The following AOAH variants were observed in gnomAD, a reference collection of about 807,000 sequenced individuals.
AOAH encodes acyloxyacyl hydrolase (neutrophil).
AOAH carries 64 observed loss-of-function variants against 92.2 expected under a neutral mutation model. The observed-to-expected ratio is 0.69, with a 90% confidence interval of 0.57 to 0.86. The LOEUF is 0.86. Among genes scored for constraint, AOAH ranks in the 40% least tolerant of loss-of-function variants. The pLI is 0.00. For missense variants in AOAH, 656 were observed against 694.6 expected (o/e 0.94, Z 0.62); for synonymous variants, 263 against 254.5 (o/e 1.03, Z -0.32).
intron 1 of AOAH, among the ~76,000 whole-genome samples, chr7:36,701,538 T>C (rs900089756): frequency 2.6e-5 from 4 of 151,294 alleles, no homozygotes; most frequent in Non-Finnish European, 5.9e-5. Flanking sequence ...CCCTTTTTCA[T>C]TATGAAATAT....
At chr7:36,519,025 C>G (rs1004486457) in intron 20 of AOAH, among the ~76,000 whole-genome samples, 5 of 152,168 alleles carry the variant, frequency 3.3e-5, no homozygotes, top group South Asian at 2.1e-4. Flanking sequence ...TTTTAAAATA[C>G]AACTTTTCCT....
At position 36,576,666 on chromosome 7, in the gene AOAH, AT is replaced by A; in HGVS notation, c.939-11del. 7.3e-7 allele frequency: 1 copy of A among 1,360,668 alleles called. No homozygotes were observed. Among genetic ancestry groups the A allele is most frequent in the Non-Finnish European group, 1.0e-6 (1 of 970,286 alleles). The allele number at this position is 1,360,668 out of a possible 1,614,324, so 84.3% of individuals were successfully genotyped here. A position where few individuals can be genotyped will look rare whatever the true frequency, so the allele number is the denominator to read the frequency against. On this transcript the variant is annotated splice_polypyrimidine_tract_variant and intron_variant, in intron 12 of 20. Transcript: ENST00000617537. ...AGATTTTTCTTTAATTCTGAAACAAATATATATGTATATATTTAAGGTCAGG... is the reference window on the plus strand; with the variant it reads ...AGATTTTTCTTTAATTCTGAAACAAAATATATGTATATATTTAAGGTCAGG...
chr7:36,632,840 G>A (rs1371776765), intron 5 of AOAH, among the ~76,000 whole-genome samples: 1 of 152,196 alleles, frequency 6.6e-6, no homozygotes, highest in African/African-American at 2.4e-5. Context: ...GGCGATATTT[G>A]ACCCTGGCAA....
intron 20 of AOAH, among the ~76,000 whole-genome samples, chr7:36,515,030 C>T (rs1474335785): frequency 1.3e-4 from 20 of 151,782 alleles, no homozygotes; most frequent in Admixed American, 1.3e-3. Flanking sequence ...TCGGTCATGT[C>T]CATGCAGTGT....
At chr7:36,671,080 G>A (rs1219486458) in intron 3 of AOAH, among the ~76,000 whole-genome samples, 1 of 152,042 alleles carries the variant, frequency 6.6e-6, no homozygotes, top group African/African-American at 2.4e-5. Flanking sequence ...TGCTGATCTG[G>A]TTCCCTGATC....
chr7:36,652,713 A>G (rs1197961848), intron 4 of AOAH, among the ~76,000 whole-genome samples: 8 of 152,232 alleles, frequency 5.3e-5, no homozygotes, highest in Admixed American at 1.3e-4. Flanking sequence ...ACACTGTCGA[A>G]CCAAGATGAA....
intron 4 of AOAH, among the ~76,000 whole-genome samples, chr7:36,643,145 A>G (rs1239242142): frequency 6.6e-6 from 1 of 152,092 alleles, no homozygotes; most frequent in Non-Finnish European, 1.5e-5. Flanking sequence ...GCTTTTTTTG[A>G]GGATCCTGAA....
chr7:36,541,674 G>C (rs916440395), intron 15 of AOAH, among the ~76,000 whole-genome samples: 1 of 152,162 alleles, frequency 6.6e-6, no homozygotes, highest in Non-Finnish European at 1.5e-5. Context: ...GCAATGAACT[G>C]GCACATGTAC....
chr7:36,610,410 G>A (rs1390022920), intron 11 of AOAH, among the ~76,000 whole-genome samples: 1 of 151,390 alleles, frequency 6.6e-6, no homozygotes, highest in Non-Finnish European at 1.5e-5. Context: ...GGGGAGTGCT[G>A]GAAAGAGTGC....
chr7:36,600,999 T>C (rs1490516929), intron 11 of AOAH, among the ~76,000 whole-genome samples: 1 of 151,560 alleles, frequency 6.6e-6, no homozygotes, highest in Non-Finnish European at 1.5e-5. Flanking sequence ...CACACCCTAC[T>C]CTTCTGCACC....
intron 3 of AOAH, among the ~76,000 whole-genome samples, chr7:36,672,562 T>G (rs1795998431): frequency 6.6e-6 from 1 of 151,808 alleles, no homozygotes; most frequent in Non-Finnish European, 1.5e-5. Flanking sequence ...TAAGTGGGAG[T>G]TGAACAATGC....
intron 18 of AOAH, among the ~76,000 whole-genome samples, chr7:36,531,647 C>T (rs1019207819): frequency 4.6e-5 from 7 of 152,132 alleles, no homozygotes; most frequent in Non-Finnish European, 1.5e-5. Flanking sequence ...CGCGCCCAGC[C>T]TCAATAAGTC....
chr7:36,640,361 A>G (rs1793818646), intron 4 of AOAH, among the ~76,000 whole-genome samples: 1 of 152,222 alleles, frequency 6.6e-6, no homozygotes, highest in African/African-American at 2.4e-5. Flanking sequence ...TTTCTGCAAG[A>G]TGCAGTTTGG....
chr7:36,602,973 A>G (rs553839474), intron 11 of AOAH, among the ~76,000 whole-genome samples: 2 of 152,234 alleles, frequency 1.3e-5, no homozygotes, highest in African/African-American at 4.8e-5. Flanking sequence ...CCCTCTGGGC[A>G]TACACATCTG....
In AOAH at chr7:36,610,398, A is replaced by G. The variant is rs542142126; in HGVS notation, c.846+5982T>C. Among the ~76,000 whole-genome samples the G allele has an allele frequency of 2.3e-3, 350 of 152,012 alleles. 2 individuals carry two copies. The highest frequency in any genetic ancestry group is 8.1e-3 in the African/African-American group (337 of 41,506). ...TATATAATATACATATATGCATACA[A>G]GGGGGAGTGCTGGAAAGAGTGCAAA... On this transcript the variant is annotated intron_variant, in intron 11 of 20. Transcript: ENST00000617537.
rs867221588 is a variant in AOAH at position 36,614,363 on chromosome 7, G to C, written c.846+2017C>G. On this transcript the variant is annotated intron_variant, in intron 11 of 20. Coordinates refer to ENST00000617537, the MANE Select transcript of AOAH (RefSeq NM_001637.4). This position sits in a 1 kb window ranked among gnomAD's most constrained non-coding sequence, Gnocchi z 4.2. ...GTGTGCAACCAGTGGGTCCCATGAG[G>C]TCCTTCGCTTAGAAAGGGCCCTGCA... Among the ~76,000 whole-genome samples the C allele has an allele frequency of 1.3e-5, 2 of 152,234 alleles. No individual in the cohort carries two copies. The highest frequency in any genetic ancestry group is 2.1e-4 in the South Asian group (1 of 4,832).
intron 12 of AOAH, among the ~76,000 whole-genome samples, chr7:36,591,564 T>C (rs945134651): frequency 5.9e-5 from 9 of 152,214 alleles, no homozygotes; most frequent in Non-Finnish European, 1.2e-4. Flanking sequence ...CTCTTCCCCT[T>C]ACCCCATTGC....
At chr7:36,653,987 C>G (rs2116474282) in intron 4 of AOAH, among the ~76,000 whole-genome samples, 1 of 152,294 alleles carries the variant, frequency 6.6e-6, no homozygotes, top group Admixed American at 6.5e-5. Context: ...TAAAGAACCA[C>G]TGGATACACA....
intron 12 of AOAH, among the ~76,000 whole-genome samples, chr7:36,585,813 G>A (rs1789283054): frequency 6.6e-6 from 1 of 152,178 alleles, no homozygotes; most frequent in Admixed American, 6.5e-5. Context: ...TGATCACAGG[G>A]CTTTCTTCTA....
Sources: gnomAD v4.1 joint callset for allele counts (sites outside exome capture counted in the v4.1 genomes callset) on GRCh38, gnomAD v4.1.1 for gene constraint, Gnocchi (gnomAD v3.1) non-coding constraint, MANE v1.5 for transcripts, NCBI Gene and HGNC (gene_info 2026-07-23, HGNC 2026-07-21) for gene names.